Variants in TSHZ1 observed in about 807,000 individuals in gnomAD.
TSHZ1 encodes teashirt zinc finger homeobox 1, also known as teashirt homolog 1.
A neutral mutation model predicts 67.1 loss-of-function variants in TSHZ1; 12 were observed. That is an observed-to-expected ratio of 0.18 (90% CI 0.11 to 0.29). The LOEUF (loss-of-function observed/expected upper bound fraction) is 0.29. Among genes scored for constraint, TSHZ1 ranks in the 10% least tolerant of loss-of-function variants. The pLI is 1.00. For synonymous variants in TSHZ1, 632 were observed against 622.4 expected, an observed-to-expected ratio of 1.02 and a Z score of -0.23; for missense variants, 1,305 against 1,413.9, an observed-to-expected ratio of 0.92 and a Z score of 1.23.
rs1300884369 is a variant in TSHZ1 at position 75,234,302 on chromosome 18, C to T, written c.40+22386C>T. Among the ~76,000 whole-genome samples, 5 of 152,218 alleles carry T rather than the reference C, an allele frequency of 3.3e-5. No homozygotes were observed. The East Asian group carries it at 9.6e-4, about 29-fold the overall frequency. Reference sequence around the variant, plus strand: ...GCCGCCCTGGGCCCTCTCCTTAACTCCTTCTTTTCCTTTCCCTGCTGTCTT... The same window carrying T: ...GCCGCCCTGGGCCCTCTCCTTAACTTCTTCTTTTCCTTTCCCTGCTGTCTT... On this transcript the variant is annotated intron_variant, in intron 1 of 1. Coordinates refer to ENST00000580243, the MANE Select transcript of TSHZ1 (RefSeq NM_001308210.2).
intron 1 of TSHZ1, chr18:75,282,726 A>G (rs559412674): frequency 6.6e-6 from 1 of 152,328 alleles, no homozygotes; most frequent in South Asian, 2.1e-4. Context: ...TCCAGTCTCC[A>G]GGACTGGGAG....
At chr18:75,280,876 AAGG>A in intron 1 of TSHZ1, 1 of 963,958 alleles carries the variant, frequency 1.0e-6, no homozygotes, top group Non-Finnish European at 1.2e-6. Flanking sequence ...AGGGTGGCAT[AAGG>A]AGATGACCTT....
intron 1 of TSHZ1, among the ~76,000 whole-genome samples, chr18:75,249,176 C>T (rs1329401975): frequency 6.6e-6 from 1 of 152,188 alleles, no homozygotes; most frequent in African/African-American, 2.4e-5. Context: ...CAGGCCCCAC[C>T]TGCTACCCGG....
At chr18:75,240,944 G>A (rs1440407870) in intron 1 of TSHZ1, among the ~76,000 whole-genome samples, 1 of 152,170 alleles carries the variant, frequency 6.6e-6, no homozygotes, top group African/African-American at 2.4e-5. Flanking sequence ...TTTGTCATTT[G>A]TAAGTACGTG....
At position 75,286,164 on chromosome 18, in the gene TSHZ1, G is replaced by T; in HGVS notation, c.757G>T (p.Ala253Ser). ...ASKFRCKDCS[A>S]AYDTLVELTV... ...CAAGTTCCGGTGCAAAGACTGCAGT[G>T]CCGCGTACGACACGCTGGTGGAACT... Residue 253 changes from alanine to serine, a missense_variant, in exon 2 of 2, where the codon GCC becomes TCC. Around this residue, in one of 3 missense-constraint regions of TSHZ1, gnomAD observed 358 missense variants for 375.6 expected, o/e 0.95. Transcript: ENST00000580243. The surrounding 1 kb of genome is among the most constrained non-coding windows in gnomAD (Gnocchi z 5.1). 2 of 1,614,100 alleles carry T rather than the reference G, an allele frequency of 1.2e-6. No individual in the cohort carries two copies. Among genetic ancestry groups the T allele is most frequent in the South Asian group, 2.2e-5 (2 of 91,084 alleles).
At chr18:75,262,593 G>T (rs930918364) in intron 1 of TSHZ1, among the ~76,000 whole-genome samples, 6 of 152,258 alleles carry the variant, frequency 3.9e-5, no homozygotes, top group East Asian at 1.9e-4. Context: ...AAATACGCTT[G>T]CATTAAGCAT....
chr18:75,261,880 A>G (rs945561391), intron 1 of TSHZ1, among the ~76,000 whole-genome samples: 5 of 152,238 alleles, frequency 3.3e-5, no homozygotes, highest in African/African-American at 9.6e-5. Flanking sequence ...CAAGCAAATA[A>G]GTAGCTACAA....
chr18:75,285,376 C>T, intron 1 of TSHZ1, 72 bp from the exon 2 acceptor site: 1 of 1,407,726 alleles, frequency 7.1e-7, no homozygotes, highest in South Asian at 1.6e-5. Flanking sequence ...TAAAGATCAT[C>T]TAACTGCTGG....
At chr18:75,233,471 A>G (rs1478695258) in intron 1 of TSHZ1, among the ~76,000 whole-genome samples, 1 of 152,262 alleles carries the variant, frequency 6.6e-6, no homozygotes, top group Non-Finnish European at 1.5e-5. Flanking sequence ...TCTTTAAGAA[A>G]TATAAGAAGA....
chr18:75,239,550 G>A (rs372275621), intron 1 of TSHZ1, among the ~76,000 whole-genome samples: 2 of 152,172 alleles, frequency 1.3e-5, no homozygotes, highest in African/African-American at 4.8e-5. Context: ...GTCCAGGCTG[G>A]AATGCAGCGG....
intron 1 of TSHZ1, among the ~76,000 whole-genome samples, chr18:75,222,757 G>A (rs1160014239): frequency 6.6e-6 from 1 of 152,092 alleles, no homozygotes; most frequent in Non-Finnish European, 1.5e-5. Flanking sequence ...AGACACATTC[G>A]AATCCAGTAG....
chr18:75,257,997 G>A (rs916225356), intron 1 of TSHZ1, among the ~76,000 whole-genome samples: 6 of 152,202 alleles, frequency 3.9e-5, no homozygotes, highest in Non-Finnish European at 7.4e-5. Context: ...CTAGCAGAGC[G>A]GGAAGAGAGG....
At chr18:75,279,272 C>T (rs967361540) in intron 1 of TSHZ1, among the ~76,000 whole-genome samples, 1 of 151,762 alleles carries the variant, frequency 6.6e-6, no homozygotes, top group Admixed American at 6.6e-5. Context: ...AAAAGTTTAG[C>T]TAGTTAAAAA....
intron 1 of TSHZ1, among the ~76,000 whole-genome samples, chr18:75,229,400 C>A (rs2022967522): frequency 6.6e-6 from 1 of 152,244 alleles, no homozygotes; most frequent in Non-Finnish European, 1.5e-5. Flanking sequence ...AGTATAATGG[C>A]CCACACTGTA....
rs35527414 is a variant in TSHZ1, at chr18:75,222,957, A to G, written c.40+11041A>G. 6.9e-3 allele frequency among the ~76,000 whole-genome samples: 1,050 copies of G among 152,246 alleles called. 11 individuals carry two copies. Among genetic ancestry groups the G allele is most frequent in the Middle Eastern group, 0.027 (8 of 294 alleles). The stretch of plus-strand genomic sequence containing the variant: ...GTGAGCTAAATTTGTTTATAGACAT[A>G]TTTGGAATGGAGGAGATCCACATGG... On this transcript the variant is annotated intron_variant, in intron 1 of 1. Coordinates refer to ENST00000580243, the MANE Select transcript of TSHZ1 (RefSeq NM_001308210.2).
chr18:75,236,912 G>A (rs1037125709), intron 1 of TSHZ1, among the ~76,000 whole-genome samples: 45 of 152,300 alleles, frequency 3.0e-4, no homozygotes, highest in African/African-American at 1.0e-3. Flanking sequence ...GCCCAGGAAG[G>A]TCTGACTCCT....
intron 1 of TSHZ1, among the ~76,000 whole-genome samples, chr18:75,217,807 C>T (rs2022791326): frequency 6.6e-6 from 1 of 152,180 alleles, no homozygotes; most frequent in Admixed American, 6.5e-5. Flanking sequence ...GTAGCTAGCA[C>T]TCACAGTGAT....
chr18:75,252,469 G>A (rs1184331298), intron 1 of TSHZ1, among the ~76,000 whole-genome samples: 1 of 152,028 alleles, frequency 6.6e-6, no homozygotes, highest in Non-Finnish European at 1.5e-5. Context: ...TAGTTTAGTT[G>A]GTCCTTTCTT....
At chr18:75,271,728 C>G (rs989497811) in intron 1 of TSHZ1, among the ~76,000 whole-genome samples, 3 of 151,836 alleles carry the variant, frequency 2.0e-5, no homozygotes, top group Non-Finnish European at 1.5e-5. Context: ...GCCGCTCCCC[C>G]CTCCCCGCTT....
Sources: gnomAD v4.1 joint callset for allele counts (sites outside exome capture counted in the v4.1 genomes callset) on GRCh38, gnomAD v4.1.1 for gene constraint, gnomAD v4.1.1 regional missense constraint, Gnocchi (gnomAD v3.1) non-coding constraint, MANE v1.5 for transcripts, NCBI Gene and HGNC (gene_info 2026-07-23, HGNC 2026-07-21) for gene names.